The following KMT2B variants were observed in gnomAD, a reference collection of about 807,000 sequenced individuals.
The protein encoded by KMT2B is lysine methyltransferase 2B.
Under a neutral mutation model 255.3 loss-of-function variants are expected in KMT2B, and 22 were observed. That is an observed-to-expected ratio of 0.09 (90% CI 0.06 to 0.12). KMT2B has a LOEUF of 0.12. Among genes scored for constraint, KMT2B ranks in the 10% least tolerant of loss-of-function variants. The probability of loss-of-function intolerance (pLI) is 1.00; values close to 1 mark genes in which losing one functional copy is unlikely to be tolerated. For missense variants in KMT2B, 3,149 were observed against 3,737.0 expected (o/e 0.84, Z 4.10); for synonymous variants, 1,730 against 1,498.1 (o/e 1.15, Z -3.57).
In KMT2B at chr19:35,738,220, G is replaced by C; in HGVS notation, c.7872+29G>C. The C allele has an allele frequency of 6.2e-7, 1 of 1,602,126 alleles. No homozygotes were observed. Among genetic ancestry groups the C allele is most frequent in the Non-Finnish European group, 8.5e-7 (1 of 1,170,290 alleles). On this transcript the variant is annotated intron_variant, in intron 36 of 36. Transcript: ENST00000420124. The surrounding 1 kb of genome is among the most constrained non-coding windows in gnomAD (Gnocchi z 8.7). ...GGCTCCCAGTGGCTGTGGGAAGACA[G>C]TGGGTGAAGCGAGCCTGTCCGCGGG... is the stretch of plus-strand genomic sequence containing the variant.
rs576158813 is a variant in KMT2B, at chr19:35,731,792, G to A, written c.5438-116G>A. On this transcript the variant is annotated intron_variant, in intron 26 of 36. Coordinates refer to ENST00000420124, the MANE Select transcript of KMT2B (RefSeq NM_014727.3). ...GGGTGGTCACTGGAAACTGGGGCCT[G>A]TTGTGACTGGGTCAGGGTCGGGGAC... 1.6e-5 allele frequency: 13 copies of A among 810,758 alleles called. No homozygotes were observed. The South Asian group carries it at 2.1e-4, about 13-fold the overall frequency. The allele number at this position is 810,758 out of a possible 1,614,324, so 50.2% of individuals were successfully genotyped here. A position where few individuals can be genotyped will look rare whatever the true frequency, so the allele number is the denominator to read the frequency against.
Position 35,733,479 on chromosome 19 carries a change from C to A in KMT2B, c.6930C>A (p.Thr2310=). The A allele has an allele frequency of 6.4e-7, 1 of 1,564,774 alleles. No individual in the cohort carries two copies. ...AAGATGGAGAGGCCTCAGAGGATAC[C>A]CCTCAGGTTCCAGGGCTTGGCAGTG... ...LDEDGEASED[T]PQVPGLGSGG... The change falls in exon 28 of 37, where the codon ACC becomes ACA. Residue 2310 remains threonine, a synonymous_variant. Coordinates refer to ENST00000420124, the MANE Select transcript of KMT2B (RefSeq NM_014727.3). This position sits in a 1 kb window ranked among gnomAD's most constrained non-coding sequence, Gnocchi z 4.3.
chr19:35,722,642 C>A lies in KMT2B; in HGVS notation c.2646C>A (p.Ala882=). Residue 882 remains alanine (A), a synonymous_variant, in exon 5 of 37, where the codon GCC becomes GCA. Coordinates refer to ENST00000420124, the MANE Select transcript of KMT2B (RefSeq NM_014727.3). The stretch of plus-strand genomic sequence containing the variant: ...ATGCTGCTGTGGCCCTGGGTCAGGC[C>A]CGGGCCATGGTGCCTGAAGATGTCC... ...CRHAAVALGQ[A]RAMVPEDVPR... 6.2e-7 allele frequency: 1 copy of A among 1,612,914 alleles called. No individual in the cohort carries two copies. Among genetic ancestry groups the A allele is most frequent in the African/African-American group, 1.3e-5 (1 of 75,050 alleles).
At position 35,737,616 on chromosome 19, in the gene KMT2B, TC is replaced by T. The variant is rs1372287501; in HGVS notation, c.7551-16del. ...CTGTCTTCAACAGTATATTCCTCCTTCCCCTGCTGCCACCTGCAGGAAGTGC... is the reference window on the plus strand; with the variant it reads ...CTGTCTTCAACAGTATATTCCTCCTTCCCTGCTGCCACCTGCAGGAAGTGC... On this transcript the variant is annotated intron_variant, in intron 33 of 36. Coordinates refer to ENST00000420124, the MANE Select transcript of KMT2B (RefSeq NM_014727.3). This position sits in a 1 kb window ranked among gnomAD's most constrained non-coding sequence, Gnocchi z 5.3. 2 of 1,508,358 alleles carry T rather than the reference TC, an allele frequency of 1.3e-6. No homozygotes were observed. Among genetic ancestry groups the T allele is most frequent in the Admixed American group, 2.0e-5 (1 of 50,658 alleles). 93.4% of individuals were successfully genotyped at this position (1,508,358 alleles called of 1,614,324 possible). A position where few individuals can be genotyped will look rare whatever the true frequency, so the allele number is the denominator to read the frequency against.
rs753088021 is a variant in KMT2B, at chr19:35,727,613, C to T, written c.4293C>T (p.Leu1431=). The T allele has an allele frequency of 5.6e-6, 9 of 1,608,456 alleles. No homozygotes were observed. The Admixed American group carries it at 1.5e-4, about 27-fold the overall frequency. The part of the protein sequence containing the change: ...LSSKVVGPLL[L]CTQCGPDGKQ... ...CCAAGGTGGTGGGCCCACTGCTGCT[C>T]TGCACCCAGGTCTGGAGGGCCCTGG... The change falls in exon 16 of 37, where the codon CTC becomes CTT. Residue 1431 remains leucine (L), a synonymous_variant. Coordinates refer to ENST00000420124, the MANE Select transcript of KMT2B (RefSeq NM_014727.3). This position sits in a 1 kb window ranked among gnomAD's most constrained non-coding sequence, Gnocchi z 4.2.
In KMT2B at chr19:35,733,325, C is replaced by T; in HGVS notation, c.6776C>T (p.Pro2259Leu). ...CCTGCCCCGCCCCCGCCACCCCCTC[C>T]CCTGACGCTGGTGCTGAGCAGTGGG... Reference protein sequence around the residue: ...VRPAPPPPPPPLTLVLSSGPA... With the variant: ...VRPAPPPPPPLLTLVLSSGPA... Residue 2259 changes from proline to leucine, a missense_variant, in exon 28 of 37, where the codon CCC (proline) becomes CTC (leucine). Physicochemically the swap from Pro to Leu is moderately conservative, Grantham distance 98. Coordinates refer to ENST00000420124, the MANE Select transcript of KMT2B (RefSeq NM_014727.3). The surrounding 1 kb of genome is among the most constrained non-coding windows in gnomAD (Gnocchi z 4.3). 1 of 1,533,752 alleles carries T rather than the reference C, an allele frequency of 6.5e-7. No homozygotes were observed. The highest frequency in any genetic ancestry group is 8.8e-7 in the Non-Finnish European group (1 of 1,134,252).
rs200586706 is a variant in KMT2B at position 35,723,708 on chromosome 19, C to G, written c.3059-24C>G. On this transcript the variant is annotated intron_variant, in intron 7 of 36. Coordinates refer to ENST00000420124, the MANE Select transcript of KMT2B (RefSeq NM_014727.3). The surrounding 1 kb of genome is among the most constrained non-coding windows in gnomAD (Gnocchi z 7.5). ...CCATGTCCCTGGCTGAGCTCAAATC[C>G]TACTAAGTCCCCTGTTCCCGCAGGC... 1.9e-5 allele frequency: 29 copies of G among 1,516,240 alleles called. No homozygotes were observed. The East Asian group carries it at 6.6e-4, about 35-fold the overall frequency. 93.9% of individuals were successfully genotyped at this position (1,516,240 alleles called of 1,614,324 possible).
Position 35,725,933 on chromosome 19 carries a change from A to G in KMT2B, c.3885+115A>G, listed in dbSNP as rs532953762. 107 of 841,470 alleles carry G rather than the reference A, an allele frequency of 1.3e-4. No individual in the cohort carries two copies. Among genetic ancestry groups the G allele is most frequent in the Middle Eastern group, 1.0e-3 (4 of 3,992 alleles). 52.1% of individuals were successfully genotyped at this position (841,470 alleles called of 1,614,324 possible). A position where few individuals can be genotyped will look rare whatever the true frequency, so the allele number is the denominator to read the frequency against. On this transcript the variant is annotated intron_variant, in intron 13 of 36. Coordinates refer to ENST00000420124, the MANE Select transcript of KMT2B (RefSeq NM_014727.3). The surrounding 1 kb of genome is among the most constrained non-coding windows in gnomAD (Gnocchi z 4.1). ...GCAGAGGTTGGGGATCCTCTTAAGAATTGATTAGTAATGTTTCCTCTTCAA... is the reference window on the plus strand; with the variant it reads ...GCAGAGGTTGGGGATCCTCTTAAGAGTTGATTAGTAATGTTTCCTCTTCAA...
rs767815563 is a variant in KMT2B, at chr19:35,727,864, G to A, written c.4393-17G>A. On this transcript the variant is annotated splice_polypyrimidine_tract_variant and intron_variant, in intron 17 of 36. Coordinates refer to ENST00000420124, the MANE Select transcript of KMT2B (RefSeq NM_014727.3). The surrounding 1 kb of genome is among the most constrained non-coding windows in gnomAD (Gnocchi z 4.2). ...ATTGTGCAGAGGGGACTCAGTCTCTGACAAACCCCCTTACAGCACAGCTTC... is the reference window on the plus strand; with the variant it reads ...ATTGTGCAGAGGGGACTCAGTCTCTAACAAACCCCCTTACAGCACAGCTTC... The A allele has an allele frequency of 6.2e-7, 1 of 1,611,184 alleles. No individual in the cohort carries two copies. Among genetic ancestry groups the A allele is most frequent in the East Asian group, 2.2e-5 (1 of 44,788 alleles).
chr19:35,721,216 A>AC lies in KMT2B; in HGVS notation c.1869_1870insC (p.Ala624ArgfsTer52). The AC allele has an allele frequency of 1.9e-5, 3 of 155,944 alleles. No homozygotes were observed. Among genetic ancestry groups the AC allele is most frequent in the South Asian group, 1.4e-4 (2 of 14,350 alleles). 9.7% of individuals were successfully genotyped at this position (155,944 alleles called of 1,614,324 possible). ...CCCGGGAGCTGCCCCCTCCTCCCCC[A>AC]GCCCCTCCACCTCCCCCGGCCCCCT... On this transcript the variant is annotated frameshift_variant, in exon 3 of 37. Coordinates refer to ENST00000420124, the MANE Select transcript of KMT2B (RefSeq NM_014727.3). LOFTEE classifies it high-confidence loss of function.
Position 35,733,753 on chromosome 19 carries a change from C to T in KMT2B, c.7050-10C>T, listed in dbSNP as rs1355512336. 1 of 1,612,436 alleles carries T rather than the reference C, an allele frequency of 6.2e-7. No individual in the cohort carries two copies. Among genetic ancestry groups the T allele is most frequent in the South Asian group, 1.1e-5 (1 of 90,916 alleles). ...TGTCCTTCCCCTTCCTGACAGGTCT[C>T]TTCTCGCAGGCCCCTCCAGGAACGG... On this transcript the variant is annotated splice_polypyrimidine_tract_variant and intron_variant, in intron 29 of 36. Transcript: ENST00000420124. This position sits in a 1 kb window ranked among gnomAD's most constrained non-coding sequence, Gnocchi z 4.3.
In KMT2B at chr19:35,733,303, G is replaced by C; in HGVS notation, c.6754G>C (p.Ala2252Pro). ...VLPVVGVVRP[A>P]PPPPPPPLTL... is the part of the protein sequence containing the mutation. ...GCCCGTGGTCGGAGTGGTCCGCCCT[G>C]CCCCGCCCCCGCCACCCCCTCCCCT... Residue 2252 changes from alanine (A) to proline (P), a missense_variant, in exon 28 of 37, where the codon GCC (alanine) becomes CCC (proline). Transcript: ENST00000420124. This position sits in a 1 kb window ranked among gnomAD's most constrained non-coding sequence, Gnocchi z 4.3. 7 of 1,340,062 alleles carry C rather than the reference G, an allele frequency of 5.2e-6. No individual in the cohort carries two copies. Among genetic ancestry groups the C allele is most frequent in the South Asian group, 2.5e-5 (2 of 79,526 alleles). 83.0% of individuals were successfully genotyped at this position (1,340,062 alleles called of 1,614,324 possible).
At position 35,730,592 on chromosome 19, in the gene KMT2B, G is replaced by A. The variant is rs776873763; in HGVS notation, c.5252G>A (p.Gly1751Glu). 1.2e-6 allele frequency: 2 copies of A among 1,614,032 alleles called. No homozygotes were observed. The highest frequency in any genetic ancestry group is 2.2e-5 in the South Asian group (2 of 91,086). ...CTGTCTGATCTCTCGGACTGCGAGGGACGGCTCTTCCCCATTGGCTACCAG... is the reference window on the plus strand; with the variant it reads ...CTGTCTGATCTCTCGGACTGCGAGGAACGGCTCTTCCCCATTGGCTACCAG... ...GTLSDLSDCE[G>E]RLFPIGYQCS... The change falls in exon 25 of 37, where the codon GGA becomes GAA. Residue 1751 changes from glycine (G) to glutamate (E), a missense_variant. Coordinates refer to ENST00000420124, the MANE Select transcript of KMT2B (RefSeq NM_014727.3).
chr19:35,729,107 T>C, intron 21 of KMT2B, 31 bp downstream of exon 21: 2 of 1,613,984 alleles, frequency 1.2e-6, no homozygotes, highest in Non-Finnish European at 1.7e-6. Context: ...CACCAGGTTG[T>C]GGGGCCTGTT....
In KMT2B at chr19:35,727,576, G is replaced by T. The variant is rs557492842; in HGVS notation, c.4256G>T (p.Gly1419Val). 6.2e-7 allele frequency: 1 copy of T among 1,606,258 alleles called. No individual in the cohort carries two copies. Among genetic ancestry groups the T allele is most frequent in the South Asian group, 1.1e-5 (1 of 90,916 alleles). Residue 1419 changes from glycine (G) to valine (V), a missense_variant, in exon 16 of 37, where the codon GGC (glycine) becomes GTC (valine). Gly to Val is a moderately radical substitution (Grantham distance 109). Around this residue, in one of 18 missense-constraint regions of KMT2B, gnomAD observed 377 missense variants for 471.0 expected, o/e 0.80. Coordinates refer to ENST00000420124, the MANE Select transcript of KMT2B (RefSeq NM_014727.3). The surrounding 1 kb of genome is among the most constrained non-coding windows in gnomAD (Gnocchi z 4.2). ...LQGGLRQVLQ[G>V]LLSSKVVGPL... ...GGGGGCCTGCGCCAGGTGCTCCAGG[G>T]CCTGCTGAGCTCCAAGGTGGTGGGC...
In KMT2B at chr19:35,719,954, C is replaced by T; in HGVS notation, c.607C>T (p.Pro203Ser). Residue 203 changes from proline (P) to serine (S), a missense_variant, in exon 3 of 37, where the codon CCC becomes TCC. Coordinates refer to ENST00000420124, the MANE Select transcript of KMT2B (RefSeq NM_014727.3). ...LTELLRRAQAPQAPRSRACEP... is the reference protein window; with the variant it reads ...LTELLRRAQASQAPRSRACEP... ...TGAACTTCTCCGGCGGGCCCAGGCA[C>T]CCCAAGCACCCCGGAGCCGGGCATG... 6.2e-7 allele frequency: 1 copy of T among 1,613,408 alleles called. No homozygotes were observed. Among genetic ancestry groups the T allele is most frequent in the Non-Finnish European group, 8.5e-7 (1 of 1,179,868 alleles).
At chr19:35,726,908 C>G (rs978758386) in intron 14 of KMT2B, among the ~76,000 whole-genome samples, 3 of 148,742 alleles carry the variant, frequency 2.0e-5, no homozygotes, top group African/African-American at 7.4e-5. Context: ...CGCTTGAACC[C>G]GGGAGGCGGA....
chr19:35,736,908 C>T lies in KMT2B; in HGVS notation c.7298-4C>T. On this transcript the variant is annotated splice_region_variant and splice_polypyrimidine_tract_variant and intron_variant, in intron 31 of 36. Transcript: ENST00000420124. ...ACTCAGCTCTGGCTCTGCTGTCTCC[C>T]CAGGGGCGTGGAGAACTCTGATCGA... The T allele has an allele frequency of 1.2e-6, 2 of 1,613,930 alleles. No homozygotes were observed. Among genetic ancestry groups the T allele is most frequent in the Non-Finnish European group, 1.7e-6 (2 of 1,179,850 alleles).
Position 35,721,224 on chromosome 19 carries a change from CACCTCCCCCGGCCCCCT to C in KMT2B, c.1878_1894del (p.Pro628ThrfsTer42). On this transcript the variant is annotated frameshift_variant, in exon 3 of 37. Transcript: ENST00000420124. LOFTEE classifies it high-confidence loss of function. ...CTGCCCCCTCCTCCCCCAGCCCCTC[CACCTCCCCCGGCCCCCT>C]CCCCACCCCCTGCTCCTGCCACCTC... 6.8e-7 allele frequency: 1 copy of C among 1,466,814 alleles called. No individual in the cohort carries two copies. The highest frequency in any genetic ancestry group is 9.2e-7 in the Non-Finnish European group (1 of 1,086,328). 90.9% of individuals were successfully genotyped at this position (1,466,814 alleles called of 1,614,324 possible).
Sources: allele counts gnomAD v4.1 joint callset (sites outside exome capture counted in the v4.1 genomes callset), GRCh38; gene constraint gnomAD v4.1.1; regional missense constraint gnomAD v4.1.1; non-coding constraint Gnocchi (gnomAD v3.1); transcripts MANE v1.5; gene names NCBI Gene and HGNC (gene_info 2026-07-23, HGNC 2026-07-21).